XAF1: variants seen among roughly 807,000 people sequenced by gnomAD.
The protein encoded by XAF1 is XIAP-associated factor 1.
XAF1 carries 32 observed loss-of-function variants against 32.3 expected under a neutral mutation model. The ratio of observed to expected loss-of-function variants is 0.99; its 90% CI spans 0.75 to 1.33. XAF1 has a LOEUF of 1.33. XAF1 is among the 40% of genes most tolerant of loss of function. The pLI is 0.00. For missense variants in XAF1, 379 were observed against 366.0 expected, an observed-to-expected ratio of 1.04 and a Z score of -0.29; for synonymous variants, 120 against 125.9, an observed-to-expected ratio of 0.95 and a Z score of 0.31.
Position 6,759,690 on chromosome 17 carries a change from T to G in XAF1, c.197T>G (p.Met66Arg), listed in dbSNP as rs770132913. Residue 66 changes from methionine to arginine, a missense_variant, in exon 3 of 7, where the codon ATG becomes AGG. By Grantham distance (91) the Met-to-Arg change is moderately conservative. Coordinates refer to ENST00000361842, the MANE Select transcript of XAF1 (RefSeq NM_017523.5). Reference protein sequence around the residue: ...QVGCTMCQQSMQKSSLEFHKA... With the variant: ...QVGCTMCQQSRQKSSLEFHKA... The stretch of plus-strand genomic sequence containing the variant: ...GGGTGTACGATGTGTCAGCAGAGCA[T>G]GCAGAAGTCCTCGCTGGAGTTTCAT... The G allele has an allele frequency of 6.2e-7, 1 of 1,613,836 alleles. No homozygotes were observed. The highest frequency in any genetic ancestry group is 1.1e-5 in the South Asian group (1 of 91,064).
At chr17:6,756,603 G>A (rs9894095) in intron 1 of XAF1, among the ~76,000 whole-genome samples, 2,041 of 152,216 alleles carry the variant, frequency 0.013, 52 homozygotes, top group African/African-American at 0.047. Flanking sequence ...GAATCTGACC[G>A]ATCAAAAAGC....
chr17:6,762,560 T>C (rs955534290), intron 5 of XAF1, among the ~76,000 whole-genome samples: 1 of 152,204 alleles, frequency 6.6e-6, no homozygotes, highest in Non-Finnish European at 1.5e-5. Flanking sequence ...CCTGTCTTAC[T>C]GTTTTCGGTC....
At chr17:6,756,039 A>T (rs769329502), upstream of XAF1, 45 of 1,613,640 alleles carry the variant, frequency 2.8e-5, no homozygotes, top group Non-Finnish European at 8.5e-6. Flanking sequence ...CCTTGCCTGC[A>T]AGAAACGAAA....
chr17:6,764,053 A>T (rs1051026999), intron 5 of XAF1, among the ~76,000 whole-genome samples: 1 of 152,212 alleles, frequency 6.6e-6, no homozygotes, highest in African/African-American at 2.4e-5. Context: ...GGCTACAGGG[A>T]AGTGGGGAGC....
chr17:6,773,189 C>T lies in XAF1; in HGVS notation c.*20C>T, dbSNP rs758078364. ...AGCTAGATTTGGAAAAGGAAAGGTA[C>T]TACAAATTCAAAAGATTTCACTTTT... On this transcript the variant is annotated 3_prime_UTR_variant, in exon 7 of 7. Transcript: ENST00000361842. 6.3e-6 allele frequency: 10 copies of T among 1,593,516 alleles called. No individual in the cohort carries two copies. In the Admixed American group the frequency reaches 1.1e-4, roughly 17 times the overall value.
chr17:6,773,406 G>A lies in XAF1; in HGVS notation c.*237G>A, dbSNP rs772357515. 13 of 438,108 alleles carry A rather than the reference G, an allele frequency of 3.0e-5. No homozygotes were observed. The highest frequency in any genetic ancestry group is 1.1e-4 in the South Asian group (4 of 35,032). 27.1% of individuals were successfully genotyped at this position (438,108 alleles called of 1,614,324 possible). A position where few individuals can be genotyped will look rare whatever the true frequency, so the allele number is the denominator to read the frequency against. ...AAAAACCCTCAACAAACCAGGCGTC[G>A]AAGGAACATACCTCAAAATAATAAG... On this transcript the variant is annotated 3_prime_UTR_variant, in exon 7 of 7. Coordinates refer to ENST00000361842, the MANE Select transcript of XAF1 (RefSeq NM_017523.5).
intron 5 of XAF1, among the ~76,000 whole-genome samples, chr17:6,767,368 G>A (rs1267447085): frequency 6.6e-6 from 1 of 152,160 alleles, no homozygotes; most frequent in Non-Finnish European, 1.5e-5. Context: ...GGCAAAGGTT[G>A]ATTTCTTTGA....
rs72836231 is a variant in XAF1, at chr17:6,761,898, A to T, written c.422-257A>T. On this transcript the variant is annotated intron_variant, in intron 4 of 6. Transcript: ENST00000361842. ...TTCATCTCCTTAGAAACCAGTCCTG[A>T]TCCAGGAAAATGTCTCTCCATTACG... is the stretch of plus-strand genomic sequence containing the variant. 15,516 of 1,477,758 alleles carry T rather than the reference A, an allele frequency of 0.01. 96 individuals are homozygous for T. Among genetic ancestry groups the T allele is most frequent in the Middle Eastern group, 0.016 (90 of 5,668 alleles). 91.5% of individuals were successfully genotyped at this position (1,477,758 alleles called of 1,614,324 possible).
At chr17:6,772,951 A>G in intron 6 of XAF1, 162 bp from the exon 7 acceptor site, 1 of 586,480 alleles carries the variant, frequency 1.7e-6, no homozygotes, top group Non-Finnish European at 2.9e-6. Context: ...AGCCTCCTAT[A>G]CTTCTGGCTC....
intron 4 of XAF1, 117 bp downstream of exon 4, chr17:6,760,718 G>T: frequency 9.4e-7 from 1 of 1,060,226 alleles, no homozygotes; most frequent in Admixed American, 2.7e-5. Context: ...TTGCTGTATA[G>T]ATCTCAATTC....
intron 5 of XAF1, among the ~76,000 whole-genome samples, chr17:6,762,669 C>T (rs761785966): frequency 6.6e-6 from 1 of 152,208 alleles, no homozygotes; most frequent in African/African-American, 2.4e-5. Context: ...AAAGAGGACT[C>T]TGTAGAGGCG....
intron 2 of XAF1, 119 bp downstream of exon 2, chr17:6,758,343 A>G (rs1974870824): frequency 6.3e-6 from 9 of 1,430,622 alleles, no homozygotes; most frequent in Non-Finnish European, 7.5e-6. Flanking sequence ...TGCAGGTGAG[A>G]TGGGGTCTGG....
At chr17:6,765,071 C>T (rs1411541417) in intron 5 of XAF1, among the ~76,000 whole-genome samples, 1 of 152,140 alleles carries the variant, frequency 6.6e-6, no homozygotes, top group Non-Finnish European at 1.5e-5. Context: ...TCTTCTCTAC[C>T]TATATTCACT....
chr17:6,756,790 C>G (rs1010148423), intron 1 of XAF1, among the ~76,000 whole-genome samples: 6 of 152,114 alleles, frequency 3.9e-5, no homozygotes, highest in African/African-American at 2.4e-5. Context: ...ATGATGCTGC[C>G]TGTGTGCCCG....
At chr17:6,756,393 T>A (rs1461287358) in intron 1 of XAF1, 4 of 841,256 alleles carry the variant, frequency 4.8e-6, no homozygotes, top group Non-Finnish European at 5.0e-6. Flanking sequence ...TGGTCCCAAC[T>A]GGGCTACTCA....
chr17:6,762,375 T>G, intron 5 of XAF1, 135 bp downstream of exon 5: 1 of 814,052 alleles, frequency 1.2e-6, no homozygotes, highest in East Asian at 2.7e-5. Flanking sequence ...ATTTTTTGCT[T>G]TGTTCCAAAA....
At chr17:6,764,734 G>A (rs987674091) in intron 5 of XAF1, among the ~76,000 whole-genome samples, 2 of 151,532 alleles carry the variant, frequency 1.3e-5, no homozygotes, top group East Asian at 1.9e-4. Context: ...GTTCCCCTCC[G>A]TAGAAAAACA....
chr17:6,755,667 C>G (rs1974604879), upstream of XAF1: 4 of 1,035,246 alleles, frequency 3.9e-6, no homozygotes, highest in South Asian at 1.5e-4. Context: ...TTCCCTCTTT[C>G]CTGCAGGGGA....
chr17:6,759,135 G>A (rs1974971103), intron 2 of XAF1: 1 of 1,017,562 alleles, frequency 9.8e-7, no homozygotes, highest in Non-Finnish European at 1.2e-6. Flanking sequence ...TCACTTGAGG[G>A]CCATGGGAAG....
Sources: gnomAD v4.1 joint callset for allele counts (sites outside exome capture counted in the v4.1 genomes callset) on GRCh38, gnomAD v4.1.1 for gene constraint, MANE v1.5 for transcripts, NCBI Gene and HGNC (gene_info 2026-07-23, HGNC 2026-07-21) for gene names.